The following ZCCHC2 variants were observed in gnomAD, a reference collection of about 807,000 sequenced individuals.
The protein encoded by ZCCHC2 is zinc finger CCHC-type containing 2.
A neutral mutation model predicts 103.6 loss-of-function variants in ZCCHC2; 39 were observed. The ratio of observed to expected loss-of-function variants is 0.38; its 90% CI spans 0.29 to 0.49. The LOEUF (loss-of-function observed/expected upper bound fraction) is 0.49, where lower values mean the gene tolerates loss of function less well. Ranked by LOEUF, ZCCHC2 falls within the 20% of genes least tolerant of loss-of-function variation. ZCCHC2 has a pLI of 0.96. For synonymous variants in ZCCHC2, 687 were observed against 608.9 expected (o/e 1.13, Z -1.89); for missense variants, 1,483 against 1,491.0 (o/e 0.99, Z 0.09).
At chr18:62,556,849 AG>A (rs1251962717) in intron 6 of ZCCHC2, among the ~76,000 whole-genome samples, 7 of 152,120 alleles carry the variant, frequency 4.6e-5, no homozygotes. Flanking sequence ...CTCTTTTCTC[AG>A]ATTCTAGTTT....
Position 62,575,183 on chromosome 18 carries a change from T to C in ZCCHC2, c.3102T>C (p.Tyr1034=), listed in dbSNP as rs1264555689. 3 of 1,613,936 alleles carry C rather than the reference T, an allele frequency of 1.9e-6. No individual in the cohort carries two copies. The highest frequency in any genetic ancestry group is 1.7e-6 in the Non-Finnish European group (2 of 1,179,896). The change falls in exon 13 of 14, where the codon TAT becomes TAC. Residue 1034 remains tyrosine (Y), a synonymous_variant. Transcript: ENST00000269499. ...NGNLQLNSYY[Y]PNPMPGPMYR... Reference sequence around the variant, plus strand: ...ACCTTCAGCTAAATAGTTACTATTATCCTAATCCAATGCCTGGACCAATGT... The same window carrying C: ...ACCTTCAGCTAAATAGTTACTATTACCCTAATCCAATGCCTGGACCAATGT...
At chr18:62,529,329 G>A (rs1914584287) in intron 1 of ZCCHC2, among the ~76,000 whole-genome samples, 1 of 152,052 alleles carries the variant, frequency 6.6e-6, no homozygotes, top group Non-Finnish European at 1.5e-5. Flanking sequence ...CTTCCCTCCC[G>A]CCACTCTGGG....
At chr18:62,566,033 T>C (rs558299554) in intron 11 of ZCCHC2, among the ~76,000 whole-genome samples, 3 of 152,244 alleles carry the variant, frequency 2.0e-5, no homozygotes, top group African/African-American at 4.8e-5. Flanking sequence ...TCACCTGAGG[T>C]CAGGAGCTCG....
In ZCCHC2 at chr18:62,575,235, C is replaced by A; in HGVS notation, c.3154C>A (p.Pro1052Thr). 6.8e-6 allele frequency: 11 copies of A among 1,614,014 alleles called. No homozygotes were observed. The highest frequency in any genetic ancestry group is 7.6e-6 in the Non-Finnish European group (9 of 1,179,898). The change falls in exon 13 of 14, where the codon CCA (proline) becomes ACA (threonine). Residue 1052 changes from proline to threonine, a missense_variant. This residue lies in a region of ZCCHC2 where 884 missense variants were observed against 907.5 expected (regional missense o/e 0.97). Coordinates refer to ENST00000269499, the MANE Select transcript of ZCCHC2 (RefSeq NM_017742.6). ...CCGAGTCCCTTCATTCTTTACTCTG[C>A]CATCCATTTGCAATGGCAGCTACCT... ...MYRVPSFFTL[P>T]SICNGSYLNQ...
At position 62,523,977 on chromosome 18, in the gene ZCCHC2, C is replaced by T. The variant is rs1914203602; in HGVS notation, c.553C>T (p.Arg185Trp). The change falls in exon 1 of 14, where the codon CGG becomes TGG. Residue 185 changes from arginine to tryptophan, a missense_variant. Arg to Trp is a moderately radical substitution (Grantham distance 101). This residue lies in a region of ZCCHC2 where 568 missense variants were observed against 525.1 expected (regional missense o/e 1.08). Transcript: ENST00000269499. ...CCTGGCGCTGCTGGGCTCGGAGAAC[C>T]GGGAGGCCGCTGGCCGTCTGCACCG... is the stretch of plus-strand genomic sequence containing the variant. ...VYLALLGSENREAAGRLHRLL... is the reference protein window; with the variant it reads ...VYLALLGSENWEAAGRLHRLL... The T allele has an allele frequency of 6.7e-7, 1 of 1,495,106 alleles. No individual in the cohort carries two copies. Among genetic ancestry groups the T allele is most frequent in the Non-Finnish European group, 8.9e-7 (1 of 1,127,178 alleles). The allele number at this position is 1,495,106 out of a possible 1,614,324, so 92.6% of individuals were successfully genotyped here.
In ZCCHC2 at chr18:62,576,960, A is replaced by C. The variant is rs1191001213; in HGVS notation, c.*381A>C. Reference sequence around the variant, plus strand: ...GGTGACAGTCATATGGTTTTGAAAAAAAAAAGAAATTTTGCTTCTTCCCAG... The same window carrying C: ...GGTGACAGTCATATGGTTTTGAAAACAAAAAGAAATTTTGCTTCTTCCCAG... On this transcript the variant is annotated 3_prime_UTR_variant, in exon 14 of 14. Transcript: ENST00000269499. 1 of 157,792 alleles carries C rather than the reference A, an allele frequency of 6.3e-6. No individual in the cohort carries two copies. The highest frequency in any genetic ancestry group is 2.4e-5 in the African/African-American group (1 of 41,414). The allele number at this position is 157,792 out of a possible 1,614,324, so 9.8% of individuals were successfully genotyped here.
At chr18:62,561,676 A>G (rs1273796588) in intron 8 of ZCCHC2, among the ~76,000 whole-genome samples, 2 of 152,228 alleles carry the variant, frequency 1.3e-5, no homozygotes, top group Non-Finnish European at 2.9e-5. Flanking sequence ...AAACTCTGTT[A>G]TGCTGGACTC....
In ZCCHC2 at chr18:62,575,155, G is replaced by A; in HGVS notation, c.3074G>A (p.Gly1025Glu). 1.2e-6 allele frequency: 2 copies of A among 1,614,004 alleles called. No individual in the cohort carries two copies. Among genetic ancestry groups the A allele is most frequent in the Non-Finnish European group, 1.7e-6 (2 of 1,179,896 alleles). The change falls in exon 13 of 14, where the codon GGA (glycine) becomes GAA (glutamate). Residue 1025 changes from glycine to glutamate, a missense_variant. Gly to Glu is a moderately conservative substitution (Grantham distance 98). Transcript: ENST00000269499. ...CGRRCSCGTN[G>E]NLQLNSYYYP... ...CGAAGGTGCAGCTGTGGGACCAATG[G>A]AAACCTTCAGCTAAATAGTTACTAT...
chr18:62,583,872 G>A (rs1313508911), intron 14 of ZCCHC2, among the ~76,000 whole-genome samples: 1 of 152,160 alleles, frequency 6.6e-6, no homozygotes, highest in African/African-American at 2.4e-5. Context: ...AGAGGCAGGT[G>A]TCAGCTCGGG....
chr18:62,554,125 C>T (rs924795780), intron 5 of ZCCHC2, among the ~76,000 whole-genome samples: 1 of 152,064 alleles, frequency 6.6e-6, no homozygotes, highest in Non-Finnish European at 1.5e-5. Context: ...GGCGGGAATT[C>T]GTATATTTTC....
At position 62,576,619 on chromosome 18, in the gene ZCCHC2, G is replaced by C. The variant is rs1916855090; in HGVS notation, c.*40G>C. 1 of 1,581,334 alleles carries C rather than the reference G, an allele frequency of 6.3e-7. No homozygotes were observed. On this transcript the variant is annotated 3_prime_UTR_variant, in exon 14 of 14. Coordinates refer to ENST00000269499, the MANE Select transcript of ZCCHC2 (RefSeq NM_017742.6). The stretch of plus-strand genomic sequence containing the variant: ...GCCTACTTAATACACTCAAGTGTGG[G>C]GAGTCATGGGGTGTGGAGGGGAGGA...
chr18:62,586,626 ATCTT>A (rs1206777186), exon 15 of ZCCHC2: 1 of 152,170 alleles, frequency 6.6e-6, no homozygotes, highest in African/African-American at 2.4e-5. Flanking sequence ...TGGTTTTTAC[ATCTT>A]TAAATGGTTG....
intron 10 of ZCCHC2, 135 bp from the exon 11 acceptor site, chr18:62,564,867 G>A (rs765645738): frequency 3.3e-5 from 24 of 717,374 alleles, no homozygotes; most frequent in South Asian, 9.6e-5. Context: ...ACGGAAGGGC[G>A]AATCTTAATT....
chr18:62,551,399 G>A (rs1915656674), intron 5 of ZCCHC2: 1 of 152,246 alleles, frequency 6.6e-6, no homozygotes, highest in African/African-American at 2.4e-5. Flanking sequence ...CAGGAAAGCA[G>A]GTAGTTGTAT....
downstream of ZCCHC2, among the ~76,000 whole-genome samples, chr18:62,582,844 T>C (rs902185180): frequency 2.0e-5 from 3 of 152,344 alleles, no homozygotes; most frequent in South Asian, 2.1e-4. Context: ...CTCACACCTG[T>C]AATCCCAACA....
Position 62,576,591 on chromosome 18 carries a change from C to T in ZCCHC2, c.*12C>T. The T allele has an allele frequency of 1.2e-6, 2 of 1,611,382 alleles. No individual in the cohort carries two copies. Among genetic ancestry groups the T allele is most frequent in the Non-Finnish European group, 1.7e-6 (2 of 1,177,764 alleles). ...ATTCTGCAGACTGAAACGAGTAAAG[C>T]TTGCCTACTTAATACACTCAAGTGT... On this transcript the variant is annotated 3_prime_UTR_variant, in exon 14 of 14. Transcript: ENST00000269499.
chr18:62,574,948 C>G lies in ZCCHC2; in HGVS notation c.2867C>G (p.Thr956Ser). 1 of 1,613,904 alleles carries G rather than the reference C, an allele frequency of 6.2e-7. No individual in the cohort carries two copies. The highest frequency in any genetic ancestry group is 8.5e-7 in the Non-Finnish European group (1 of 1,179,896). The part of the protein sequence containing the change: ...ASAGISQAQA[T>S]VPPAVPTHTP... ...GCAGGTATCAGCCAGGCCCAGGCAA[C>G]TGTTCCTCCTGCAGTTCCTACCCAC... The change falls in exon 13 of 14, where the codon ACT (threonine) becomes AGT (serine). Residue 956 changes from threonine to serine, a missense_variant. Coordinates refer to ENST00000269499, the MANE Select transcript of ZCCHC2 (RefSeq NM_017742.6).
At chr18:62,557,461 TTCTC>T (rs2145515094) in intron 6 of ZCCHC2, among the ~76,000 whole-genome samples, 1 of 152,328 alleles carries the variant, frequency 6.6e-6, no homozygotes, top group East Asian at 1.9e-4. Flanking sequence ...CCTTTAAAGT[TTCTC>T]TAATTAAGTG....
rs146150118 is a variant in ZCCHC2 at position 62,535,368 on chromosome 18, C to T, written c.940-4313C>T. Among the ~76,000 whole-genome samples, 89 of 152,308 alleles carry T rather than the reference C, an allele frequency of 5.8e-4. 1 individual carries two copies. In the East Asian group the frequency reaches 0.015, roughly 25 times the overall value. On this transcript the variant is annotated intron_variant, in intron 1 of 13. Coordinates refer to ENST00000269499, the MANE Select transcript of ZCCHC2 (RefSeq NM_017742.6). ...ATGTTGGCAAAGGAAGCACAGATGC[C>T]AGTGCTGAAGGAGGAGACCTATGAA...
Sources: allele counts gnomAD v4.1 joint callset (sites outside exome capture counted in the v4.1 genomes callset), GRCh38; gene constraint gnomAD v4.1.1; regional missense constraint gnomAD v4.1.1; transcripts MANE v1.5; gene names NCBI Gene and HGNC (gene_info 2026-07-23, HGNC 2026-07-21).